TSNARE1: variants seen among roughly 807,000 people sequenced by gnomAD.
The protein encoded by TSNARE1 is t-SNARE domain-containing protein 1.
Under a neutral mutation model 62.0 loss-of-function variants are expected in TSNARE1, and 49 were observed. The observed-to-expected ratio is 0.79, with a 90% confidence interval of 0.63 to 1.00. TSNARE1 has a LOEUF of 1.00. TSNARE1 is among the 50% of genes least tolerant of loss of function. The probability of loss-of-function intolerance (pLI) is 0.00; values close to 1 mark genes in which losing one functional copy is unlikely to be tolerated. For missense variants in TSNARE1, 755 were observed against 700.1 expected (o/e 1.08, Z -0.88); for synonymous variants, 328 against 294.4 (o/e 1.11, Z -1.17).
intron 1 of TSNARE1, chr8:142,402,836 C>T (rs1310322057): frequency 6.6e-6 from 1 of 152,210 alleles, no homozygotes. Flanking sequence ...GCTCATGTGC[C>T]CGCGGGCCGG....
intron 9 of TSNARE1, among the ~76,000 whole-genome samples, chr8:142,304,227 G>A (rs950892893): frequency 2.0e-5 from 3 of 152,262 alleles, no homozygotes; most frequent in Admixed American, 1.3e-4. Flanking sequence ...GCAGTGCCTG[G>A]CGGTGGGAGC....
At chr8:142,250,184 C>T (rs1389675442) in intron 12 of TSNARE1, among the ~76,000 whole-genome samples, 1 of 152,206 alleles carries the variant, frequency 6.6e-6, no homozygotes, top group Non-Finnish European at 1.5e-5. Flanking sequence ...CAGCCACTCA[C>T]ACTTCCAGCC....
intron 12 of TSNARE1, among the ~76,000 whole-genome samples, chr8:142,258,253 C>T (rs1011169353): frequency 2.6e-5 from 4 of 152,122 alleles, no homozygotes; most frequent in South Asian, 2.1e-4. Context: ...TACATGAAGG[C>T]ACGCGTGTGC....
chr8:142,319,832 G>A lies in TSNARE1; in HGVS notation c.894-1198C>T, dbSNP rs1416401483. On this transcript the variant is annotated intron_variant, in intron 6 of 13. Coordinates refer to ENST00000524325, the MANE Select transcript of TSNARE1 (RefSeq NM_145003.5). This position sits in a 1 kb window ranked among gnomAD's most constrained non-coding sequence, Gnocchi z 4.9. ...ACCCAGCAGGCTAGAGAGGGTGTGG[G>A]CCAAGGAGGGCAAGGAGCCATAAGG... Among the ~76,000 whole-genome samples the A allele has an allele frequency of 6.6e-6, 1 of 152,162 alleles. No individual in the cohort carries two copies. Among genetic ancestry groups the A allele is most frequent in the African/African-American group, 2.4e-5 (1 of 41,444 alleles).
chr8:142,230,017 G>A (rs73362787), intron 12 of TSNARE1, among the ~76,000 whole-genome samples: 5,394 of 152,296 alleles, frequency 0.035, 291 homozygotes, highest in African/African-American at 0.12. Flanking sequence ...GGGGCCTGGC[G>A]AATGCCAGAC....
intron 1 of TSNARE1, among the ~76,000 whole-genome samples, chr8:142,382,072 C>G (rs1400222577): frequency 6.6e-6 from 1 of 152,316 alleles, no homozygotes; most frequent in East Asian, 1.9e-4. Context: ...GCGCCCCTGC[C>G]AGCATCAGCC....
At chr8:142,285,437 T>A (rs1365947842) in intron 10 of TSNARE1, among the ~76,000 whole-genome samples, 1 of 110,340 alleles carries the variant, frequency 9.1e-6, no homozygotes, top group Admixed American at 1.0e-4. Flanking sequence ...GATGGATAGA[T>A]GTGTGGGTGG....
chr8:142,345,329 G>A (rs1016705611), intron 3 of TSNARE1, among the ~76,000 whole-genome samples: 1 of 152,208 alleles, frequency 6.6e-6, no homozygotes, highest in African/African-American at 2.4e-5. Flanking sequence ...TCCACCAGGA[G>A]GGAAGCCCAC....
intron 7 of TSNARE1, 30 bp downstream of exon 7, chr8:142,318,514 C>G: frequency 6.2e-7 from 1 of 1,603,168 alleles, no homozygotes; most frequent in Non-Finnish European, 8.5e-7. Flanking sequence ...TTCCTCTCCT[C>G]CCTCCCAGCC....
intron 12 of TSNARE1, among the ~76,000 whole-genome samples, chr8:142,256,545 C>T (rs912354268): frequency 5.2e-5 from 7 of 135,682 alleles, no homozygotes; most frequent in Non-Finnish European, 1.1e-4. Context: ...ACCATCACCA[C>T]CATCACCATC....
At chr8:142,256,330 TTTGCC>T (rs1818557415) in intron 12 of TSNARE1, among the ~76,000 whole-genome samples, 1 of 3,094 alleles carries the variant, frequency 3.2e-4, no homozygotes, top group Non-Finnish European at 6.9e-4. Flanking sequence ...CATCACCATC[TTTGCC>T]ACCATCATCA....
intron 11 of TSNARE1, among the ~76,000 whole-genome samples, chr8:142,281,915 G>A (rs752585354): frequency 4.1e-4 from 63 of 152,132 alleles, no homozygotes; most frequent in Non-Finnish European, 7.9e-4. Flanking sequence ...TCCTTGATGG[G>A]TGGCCTCCAG....
intron 12 of TSNARE1, among the ~76,000 whole-genome samples, chr8:142,244,754 G>T (rs1817810779): frequency 6.6e-6 from 1 of 152,250 alleles, no homozygotes; most frequent in Non-Finnish European, 1.5e-5. Context: ...CGGGGACGCA[G>T]GGAGAGAGAC....
At chr8:142,360,282 G>A (rs1315075332) in intron 1 of TSNARE1, among the ~76,000 whole-genome samples, 2 of 152,186 alleles carry the variant, frequency 1.3e-5, no homozygotes, top group African/African-American at 2.4e-5. Context: ...GGACAGGGAC[G>A]AGGCATGAGG....
chr8:142,404,105 T>C (rs1211428575), upstream of TSNARE1: 1 of 152,304 alleles, frequency 6.6e-6, no homozygotes, highest in East Asian at 1.9e-4. Flanking sequence ...CACTCTGTGA[T>C]GCTTGCTGTG....
chr8:142,297,209 A>G (rs999412047), intron 10 of TSNARE1, among the ~76,000 whole-genome samples: 1 of 152,246 alleles, frequency 6.6e-6, no homozygotes, highest in African/African-American at 2.4e-5. Flanking sequence ...AGGAGGACAA[A>G]GGAAAGGGAT....
intron 9 of TSNARE1, among the ~76,000 whole-genome samples, chr8:142,302,529 T>C (rs1185897732): frequency 6.6e-6 from 1 of 152,108 alleles, no homozygotes; most frequent in Non-Finnish European, 1.5e-5. Flanking sequence ...AGCCAGGGAC[T>C]CAGCCACAGG....
intron 1 of TSNARE1, among the ~76,000 whole-genome samples, chr8:142,400,773 G>T (rs1838231885): frequency 6.6e-6 from 1 of 152,236 alleles, no homozygotes; most frequent in Non-Finnish European, 1.5e-5. Context: ...GTCTGTCTGG[G>T]CTGAACAAAT....
chr8:142,340,505 GAC>G, intron 4 of TSNARE1, among the ~76,000 whole-genome samples: 1 of 152,356 alleles, frequency 6.6e-6, no homozygotes, highest in South Asian at 2.1e-4. Flanking sequence ...CTGGAATTGA[GAC>G]AGTGGCGGTG....
Sources: gnomAD v4.1 joint callset for allele counts (sites outside exome capture counted in the v4.1 genomes callset) on GRCh38, gnomAD v4.1.1 for gene constraint, Gnocchi (gnomAD v3.1) non-coding constraint, MANE v1.5 for transcripts, NCBI Gene and HGNC (gene_info 2026-07-23, HGNC 2026-07-21) for gene names.